TENM3: variants seen among roughly 807,000 people sequenced by gnomAD.
TENM3 encodes the protein teneurin transmembrane protein 3, also known as teneurin-3.
TENM3 carries 63 observed loss-of-function variants against 255.1 expected under a neutral mutation model. The observed-to-expected ratio is 0.25, with a 90% CI of 0.20 to 0.30. The LOEUF (loss-of-function observed/expected upper bound fraction) is 0.30, where lower values mean the gene tolerates loss of function less well. TENM3 is among the 10% of genes least tolerant of loss of function. The probability of loss-of-function intolerance (pLI) is 1.00; values close to 1 mark genes in which losing one functional copy is unlikely to be tolerated. For missense variants in TENM3, 2,929 were observed against 3,461.1 expected (o/e 0.85, Z 3.86); for synonymous variants, 1,306 against 1,322.3 (o/e 0.99, Z 0.27).
the TENM3 span, among the ~76,000 whole-genome samples, chr4:181,971,343 GAAAC>G: frequency 6.6e-6 from 1 of 152,022 alleles, no homozygotes; most frequent in Non-Finnish European, 1.5e-5. Flanking sequence ...GTTAAAGAAA[GAAAC>G]AGACAAAAAA....
At chr4:182,757,166 G>A (rs151074161) in intron 22 of TENM3, among the ~76,000 whole-genome samples, 2,551 of 152,038 alleles carry the variant, frequency 0.017, 63 homozygotes, top group South Asian at 0.096. Context: ...CAAAAAATTC[G>A]CCAGGCGTGG....
chr4:182,578,665 T>C (rs1442446549), intron 3 of TENM3, among the ~76,000 whole-genome samples: 1 of 152,158 alleles, frequency 6.6e-6, no homozygotes, highest in Non-Finnish European at 1.5e-5. Flanking sequence ...CCTTGTACTC[T>C]GGAAGAGCAC....
rs573612730 is a variant in TENM3 at position 182,499,371 on chromosome 4, C to T, written c.512-101553C>T. Among the ~76,000 whole-genome samples the T allele has an allele frequency of 2.0e-5, 3 of 152,294 alleles. No homozygotes were observed. The South Asian group carries it at 6.2e-4, about 32-fold the overall frequency. ...CTTTGCAGATGGCTTAGCTTAGTCTCACAGGAGTTCTAGCAGAGGCCTTCC... is the reference window on the plus strand; with the variant it reads ...CTTTGCAGATGGCTTAGCTTAGTCTTACAGGAGTTCTAGCAGAGGCCTTCC... On this transcript the variant is annotated intron_variant, in intron 3 of 27. Transcript: ENST00000511685.
the TENM3 span, among the ~76,000 whole-genome samples, chr4:181,845,315 C>T: frequency 1.3e-5 from 2 of 152,078 alleles, no homozygotes; most frequent in Non-Finnish European, 2.9e-5. Context: ...TAAGTGATGA[C>T]AGTGAGATGA....
At chr4:182,770,742 T>G (rs1764134972) in intron 22 of TENM3, among the ~76,000 whole-genome samples, 1 of 152,218 alleles carries the variant, frequency 6.6e-6, no homozygotes, top group Non-Finnish European at 1.5e-5. Flanking sequence ...GTATATGACC[T>G]CTGCTCACCC....
At chr4:182,787,472 G>A (rs919247537) in intron 24 of TENM3, among the ~76,000 whole-genome samples, 1 of 152,258 alleles carries the variant, frequency 6.6e-6, no homozygotes, top group African/African-American at 2.4e-5. Flanking sequence ...GGTGGCTCGT[G>A]CCTGTAATCC....
chr4:181,844,657 G>A, the TENM3 span, among the ~76,000 whole-genome samples: 2 of 150,804 alleles, frequency 1.3e-5, no homozygotes, highest in African/African-American at 4.9e-5. Context: ...GACAGAGTGA[G>A]ACTCCGTCTC....
intron 7 of TENM3, among the ~76,000 whole-genome samples, chr4:182,675,031 T>C (rs1206555475): frequency 6.6e-6 from 1 of 151,858 alleles, no homozygotes; most frequent in Non-Finnish European, 1.5e-5. Flanking sequence ...CGTGCACCAC[T>C]ATGCCCAGCT....
chr4:181,668,467 G>C, the TENM3 span, among the ~76,000 whole-genome samples: 1 of 152,180 alleles, frequency 6.6e-6, no homozygotes, highest in Non-Finnish European at 1.5e-5. Context: ...GCAGGGCCAT[G>C]CTCCATCCAA....
chr4:182,136,300 G>A, the TENM3 span, among the ~76,000 whole-genome samples: 1,827 of 152,178 alleles, frequency 0.012, 31 homozygotes, highest in African/African-American at 0.041. Flanking sequence ...TTCTTGCCCC[G>A]TCACTTGCCT....
At chr4:181,707,863 T>C in the TENM3 span, among the ~76,000 whole-genome samples, 1 of 152,202 alleles carries the variant, frequency 6.6e-6, no homozygotes, top group Non-Finnish European at 1.5e-5. Context: ...TGGATTTTAA[T>C]AGAATCTAGT....
In TENM3 at chr4:182,762,645, G is replaced by A. The variant is rs536779369; in HGVS notation, c.4892+7386G>A. Among the ~76,000 whole-genome samples the A allele has an allele frequency of 2.6e-5, 4 of 152,294 alleles. No individual in the cohort carries two copies. The South Asian group carries it at 8.3e-4, about 32-fold the overall frequency. On this transcript the variant is annotated intron_variant, in intron 22 of 27. Transcript: ENST00000511685. ...CCGTAACTCCTCAGCCTCCCAGGAA[G>A]GTGTTCAGCACAGAGAAAGTCCCTG...
intron 3 of TENM3, among the ~76,000 whole-genome samples, chr4:182,358,985 T>C (rs1029086621): frequency 8.7e-4 from 132 of 151,838 alleles, no homozygotes; most frequent in Non-Finnish European, 1.4e-3. Flanking sequence ...ATCATGTGGT[T>C]TTTGTCTTTG....
chr4:182,252,001 G>A (rs1758043246), intron 1 of TENM3, among the ~76,000 whole-genome samples: 1 of 152,170 alleles, frequency 6.6e-6, no homozygotes, highest in African/African-American at 2.4e-5. Context: ...TGGCCAACAT[G>A]GTGAAACCCC....
intron 3 of TENM3, among the ~76,000 whole-genome samples, chr4:182,413,158 G>A (rs1274742543): frequency 2.0e-5 from 3 of 152,000 alleles, no homozygotes; most frequent in Non-Finnish European, 4.4e-5. Flanking sequence ...AACATCAGAA[G>A]GAGCCAGTTA....
the TENM3 span, among the ~76,000 whole-genome samples, chr4:182,067,964 A>G: frequency 6.6e-6 from 1 of 152,076 alleles, no homozygotes; most frequent in East Asian, 1.9e-4. Context: ...TGTGGCTGCC[A>G]GGAAAGAGAA....
At chr4:182,532,846 A>G (rs1055908418) in intron 3 of TENM3, among the ~76,000 whole-genome samples, 1 of 152,204 alleles carries the variant, frequency 6.6e-6, no homozygotes, top group Non-Finnish European at 1.5e-5. Flanking sequence ...TAGACCTTAT[A>G]AGCTCAATGA....
At chr4:182,748,423 T>G (rs1169855632) in intron 19 of TENM3, among the ~76,000 whole-genome samples, 1 of 152,104 alleles carries the variant, frequency 6.6e-6, no homozygotes, top group Non-Finnish European at 1.5e-5. Context: ...GTAGATAGAT[T>G]ACTGACCTAA....
intron 3 of TENM3, among the ~76,000 whole-genome samples, chr4:182,525,371 C>T (rs998969844): frequency 6.6e-6 from 1 of 152,200 alleles, no homozygotes; most frequent in Non-Finnish European, 1.5e-5. Flanking sequence ...ATATTATCTC[C>T]AGTTTTACAG....
Sources: allele counts gnomAD v4.1 joint callset (sites outside exome capture counted in the v4.1 genomes callset), GRCh38; gene constraint gnomAD v4.1.1; transcripts MANE v1.5; gene names NCBI Gene and HGNC (gene_info 2026-07-23, HGNC 2026-07-21).